Variants in ARF3 observed in about 807,000 individuals in gnomAD.
ARF3 encodes ARF GTPase 3, also known as ADP-ribosylation factor 3.
A neutral mutation model predicts 19.3 loss-of-function variants in ARF3; 5 were observed. The ratio of observed to expected loss-of-function variants is 0.26; its 90% CI spans 0.14 to 0.54. The LOEUF (loss-of-function observed/expected upper bound fraction) is 0.54, where lower values mean the gene tolerates loss of function less well. ARF3 is among the 20% of genes least tolerant of loss of function. ARF3 has a pLI of 0.95. For missense variants in ARF3, 77 were observed against 234.2 expected (o/e 0.33, Z 4.38); for synonymous variants, 71 against 89.2 (o/e 0.80, Z 1.15).
intron 1 of ARF3, among the ~76,000 whole-genome samples, chr12:48,941,971 A>G (rs1940266774): frequency 6.6e-6 from 1 of 152,172 alleles, no homozygotes; most frequent in Admixed American, 6.5e-5. Context: ...TGAGGCAGTC[A>G]TCTCATTGGT....
At chr12:48,941,633 G>C (rs1380960657) in intron 1 of ARF3, 3 of 152,186 alleles carry the variant, frequency 2.0e-5, no homozygotes, top group Non-Finnish European at 2.9e-5. Context: ...TGTGACTCCT[G>C]ACAAGGTTCA....
At chr12:48,948,394 C>T (rs1385496334) in intron 1 of ARF3, among the ~76,000 whole-genome samples, 3 of 151,750 alleles carry the variant, frequency 2.0e-5, no homozygotes, top group Admixed American at 6.6e-5. Flanking sequence ...ACCTACGGGC[C>T]CAAATCATCG....
chr12:48,939,987 C>T lies in ARF3; in HGVS notation c.259+10G>A, dbSNP rs757603516. ...CATACCCAACCAACCCACGCTAGGC[C>T]TGAGCATACCTTGGGTGTTCTGGAA... is the stretch of plus-strand genomic sequence containing the variant. On this transcript the variant is annotated intron_variant, in intron 3 of 4. Transcript: ENST00000256682. This position sits in a 1 kb window ranked among gnomAD's most constrained non-coding sequence, Gnocchi z 4.8. 6.2e-7 allele frequency: 1 copy of T among 1,612,870 alleles called. No individual in the cohort carries two copies. Among genetic ancestry groups the T allele is most frequent in the East Asian group, 2.2e-5 (1 of 44,880 alleles).
chr12:48,951,773 A>G (rs1940476309), intron 1 of ARF3, among the ~76,000 whole-genome samples: 1 of 151,810 alleles, frequency 6.6e-6, no homozygotes, highest in Non-Finnish European at 1.5e-5. Context: ...CAGCTACTCC[A>G]TAAGCTGAGG....
chr12:48,944,913 G>A (rs1420954648), intron 1 of ARF3, among the ~76,000 whole-genome samples: 1 of 152,090 alleles, frequency 6.6e-6, no homozygotes, highest in Non-Finnish European at 1.5e-5. Flanking sequence ...ACTTTGGGAG[G>A]CTGAGGTGGG....
At chr12:48,953,864 C>T (rs1214428168) in intron 1 of ARF3, among the ~76,000 whole-genome samples, 2 of 152,150 alleles carry the variant, frequency 1.3e-5, no homozygotes, top group African/African-American at 4.8e-5. Context: ...TCTATATTTG[C>T]AACAGATGTT....
chr12:48,957,377 C>G lies in ARF3; in HGVS notation c.-161G>C, dbSNP rs1940591727. On this transcript the variant is annotated 5_prime_UTR_variant, in exon 1 of 5. Coordinates refer to ENST00000256682, the MANE Select transcript of ARF3 (RefSeq NM_001659.3). ...CCCCGCAGGTTCCGCTCCGCTCCCT[C>G]TGGCTCCCCAAGCCGACTTCAGCCC... The G allele has an allele frequency of 6.5e-6, 1 of 154,804 alleles. No homozygotes were observed. The highest frequency in any genetic ancestry group is 6.5e-5 in the Admixed American group (1 of 15,320). The allele number at this position is 154,804 out of a possible 1,614,324, so 9.6% of individuals were successfully genotyped here. A position where few individuals can be genotyped will look rare whatever the true frequency, so the allele number is the denominator to read the frequency against.
At chr12:48,951,748 G>A (rs910823319) in intron 1 of ARF3, among the ~76,000 whole-genome samples, 2 of 151,770 alleles carry the variant, frequency 1.3e-5, no homozygotes, top group African/African-American at 2.4e-5. Flanking sequence ...GCGTGGTGGC[G>A]CACGCCTGTA....
In ARF3 at chr12:48,938,553, G is replaced by A; in HGVS notation, c.*394C>T. 1 of 457,822 alleles carries A rather than the reference G, an allele frequency of 2.2e-6. No homozygotes were observed. Among genetic ancestry groups the A allele is most frequent in the Non-Finnish European group, 4.4e-6 (1 of 228,062 alleles). The allele number at this position is 457,822 out of a possible 1,614,324, so 28.4% of individuals were successfully genotyped here. On this transcript the variant is annotated 3_prime_UTR_variant, in exon 5 of 5. Coordinates refer to ENST00000256682, the MANE Select transcript of ARF3 (RefSeq NM_001659.3). ...ACAGGGAGAGGGTGGCAAAGGAAAGGCAAACAGGGAGTAGAAGGGCTTGTG... is the reference window on the plus strand; with the variant it reads ...ACAGGGAGAGGGTGGCAAAGGAAAGACAAACAGGGAGTAGAAGGGCTTGTG...
At chr12:48,947,323 T>G (rs1940376149) in intron 1 of ARF3, among the ~76,000 whole-genome samples, 1 of 104,140 alleles carries the variant, frequency 9.6e-6, no homozygotes, top group African/African-American at 3.5e-5. Flanking sequence ...TTTTTTTTTT[T>G]TTTGAGACAA....
chr12:48,951,563 C>CA (rs898928688), intron 1 of ARF3, among the ~76,000 whole-genome samples: 6 of 144,716 alleles, frequency 4.1e-5, no homozygotes, highest in East Asian at 2.1e-4. Flanking sequence ...AACTCCATCA[C>CA]AAAAATAAAT....
In ARF3 at chr12:48,938,965, C is replaced by T. The variant is rs1174031223; in HGVS notation, c.528G>A (p.Gln176=). The T allele has an allele frequency of 8.7e-6, 14 of 1,612,202 alleles. No individual in the cohort carries two copies. Among genetic ancestry groups the T allele is most frequent in the Non-Finnish European group, 1.0e-5 (12 of 1,179,924 alleles). The change falls in exon 5 of 5, where the codon CAG becomes CAA. Residue 176 remains glutamine, a synonymous_variant. Coordinates refer to ENST00000256682, the MANE Select transcript of ARF3 (RefSeq NM_001659.3). ...CTGGCTTTCACTTCTTGTTTTTGAG[C>T]TGATTGGCCAGCCAGTCCAGGCCTT... is the stretch of plus-strand genomic sequence containing the variant. ...LYEGLDWLAN[Q]LKNKK
At chr12:48,950,867 C>T (rs1166549778) in intron 1 of ARF3, among the ~76,000 whole-genome samples, 1 of 152,040 alleles carries the variant, frequency 6.6e-6, no homozygotes, top group Admixed American at 6.6e-5. Flanking sequence ...CTCACTGCAA[C>T]CTCCATCTCC....
Position 48,941,123 on chromosome 12 carries a change from G to A in ARF3, c.-28C>T. ...TCACAGCAGCTGCTTTCTGGGGACA[G>A]TGGGGCCCAAGTAGGGGCAGTGGCA... On this transcript the variant is annotated 5_prime_UTR_variant, in exon 2 of 5. Transcript: ENST00000256682. 4 of 1,600,116 alleles carry A rather than the reference G, an allele frequency of 2.5e-6. No individual in the cohort carries two copies. Among genetic ancestry groups the A allele is most frequent in the South Asian group, 1.1e-5 (1 of 89,360 alleles).
intron 1 of ARF3, among the ~76,000 whole-genome samples, chr12:48,943,164 G>T (rs1243629836): frequency 2.0e-5 from 3 of 152,028 alleles, no homozygotes; most frequent in Non-Finnish European, 4.4e-5. Context: ...GGATGAACAG[G>T]ACCAAAAGAA....
At chr12:48,949,516 C>T (rs1016458526) in intron 1 of ARF3, among the ~76,000 whole-genome samples, 1 of 151,308 alleles carries the variant, frequency 6.6e-6, no homozygotes, top group African/African-American at 2.4e-5. Flanking sequence ...TGAGCCACTG[C>T]ACCTGGCCTG....
At position 48,936,772 on chromosome 12, in the gene ARF3, T is replaced by C. The variant is rs909358385; in HGVS notation, c.*2175A>G. On this transcript the variant is annotated 3_prime_UTR_variant, in exon 5 of 5. Coordinates refer to ENST00000256682, the MANE Select transcript of ARF3 (RefSeq NM_001659.3). ...GCAAAGTCCTCATGAACCACAAAGA[T>C]AGAGTGGAAAATCCTAAGTAGGAAA... The C allele has an allele frequency of 6.6e-6, 1 of 151,688 alleles. No homozygotes were observed. Among genetic ancestry groups the C allele is most frequent in the South Asian group, 2.1e-4 (1 of 4,786 alleles). The allele number at this position is 151,688 out of a possible 1,614,324, so 9.4% of individuals were successfully genotyped here. A position where few individuals can be genotyped will look rare whatever the true frequency, so the allele number is the denominator to read the frequency against.
intron 1 of ARF3, among the ~76,000 whole-genome samples, chr12:48,945,140 T>TAAAAA (rs36072910): frequency 3.3e-5 from 3 of 92,274 alleles, no homozygotes; most frequent in African/African-American, 4.5e-5. Context: ...GACTCTGTCT[T>TAAAAA]AAAAAAAAAA....
rs528356811 is a variant in ARF3, at chr12:48,939,837, A to G, written c.260-58T>C. On this transcript the variant is annotated intron_variant, in intron 3 of 4. Coordinates refer to ENST00000256682, the MANE Select transcript of ARF3 (RefSeq NM_001659.3). The surrounding 1 kb of genome is among the most constrained non-coding windows in gnomAD (Gnocchi z 4.8). Reference sequence around the variant, plus strand: ...GACAGGTAACCCCCTCCCCCCAACCAAAAGACCACACCTGCCTGACACCCT... The same window carrying G: ...GACAGGTAACCCCCTCCCCCCAACCGAAAGACCACACCTGCCTGACACCCT... 3.3e-5 allele frequency: 53 copies of G among 1,609,950 alleles called. No individual in the cohort carries two copies. The highest frequency in any genetic ancestry group is 1.7e-4 in the Middle Eastern group (1 of 5,938).
Sources: gnomAD v4.1 joint callset for allele counts (sites outside exome capture counted in the v4.1 genomes callset) on GRCh38, gnomAD v4.1.1 for gene constraint, Gnocchi (gnomAD v3.1) non-coding constraint, MANE v1.5 for transcripts, NCBI Gene and HGNC (gene_info 2026-07-23, HGNC 2026-07-21) for gene names.